The following GLIS3 variants were observed in gnomAD, a reference collection of about 807,000 sequenced individuals.
GLIS3 encodes the protein zinc finger protein GLIS3.
A neutral mutation model predicts 78.6 loss-of-function variants in GLIS3; 53 were observed. The ratio of observed to expected loss-of-function variants is 0.67; its 90% CI spans 0.54 to 0.85. The LOEUF (loss-of-function observed/expected upper bound fraction) is 0.85. GLIS3 is among the 40% of genes least tolerant of loss of function. The pLI, the probability that GLIS3 is intolerant of heterozygous loss-of-function variation, is 0.00. For synonymous variants in GLIS3, 684 were observed against 509.9 expected (o/e 1.34, Z -4.60); for missense variants, 1,703 against 1,231.1 (o/e 1.38, Z -5.74).
intron 2 of GLIS3, among the ~76,000 whole-genome samples, chr9:4,207,349 T>C (rs1196024473): frequency 2.6e-5 from 4 of 152,192 alleles, no homozygotes; most frequent in African/African-American, 4.8e-5. Flanking sequence ...ACTTAGGAAT[T>C]TCCATTCAGC....
chr9:4,291,233 G>A (rs781705079), intron 1 of GLIS3, among the ~76,000 whole-genome samples: 1 of 152,008 alleles, frequency 6.6e-6, no homozygotes, highest in Non-Finnish European at 1.5e-5. Context: ...CCAATAAGAC[G>A]AAATAAAAGA....
chr9:4,137,578 TC>T (rs1397327701), intron 2 of GLIS3, among the ~76,000 whole-genome samples: 1 of 83,246 alleles, frequency 1.2e-5, no homozygotes, highest in African/African-American at 5.8e-5. Flanking sequence ...CACTGGGCAC[TC>T]CCAGTAAGAT....
At chr9:4,024,908 G>A (rs548104066) in intron 4 of GLIS3, among the ~76,000 whole-genome samples, 11 of 152,162 alleles carry the variant, frequency 7.2e-5, no homozygotes, top group East Asian at 1.9e-4. Context: ...CATGCCTGTC[G>A]TGTTCATCAC....
intron 2 of GLIS3, among the ~76,000 whole-genome samples, chr9:4,273,234 C>G (rs1826677127): frequency 6.6e-6 from 1 of 152,166 alleles, no homozygotes; most frequent in South Asian, 2.1e-4. Context: ...GAGATCTATA[C>G]TACCTCACAC....
intron 4 of GLIS3, among the ~76,000 whole-genome samples, chr9:4,053,458 C>T (rs1825885678): frequency 6.6e-6 from 1 of 152,012 alleles, no homozygotes; most frequent in African/African-American, 2.4e-5. Flanking sequence ...CAGATTCCCC[C>T]AAATTATTTA....
intron 4 of GLIS3, among the ~76,000 whole-genome samples, chr9:3,947,856 A>T (rs905389898): frequency 6.6e-6 from 1 of 152,226 alleles, no homozygotes; most frequent in Non-Finnish European, 1.5e-5. Context: ...AGTGGCAGAG[A>T]TATTTTCCTG....
At chr9:4,215,042 G>A (rs556577869) in intron 2 of GLIS3, among the ~76,000 whole-genome samples, 2 of 152,280 alleles carry the variant, frequency 1.3e-5, no homozygotes, top group East Asian at 1.9e-4. Flanking sequence ...AAAAACGATG[G>A]CTCTACCCTT....
intron 6 of GLIS3, among the ~76,000 whole-genome samples, chr9:3,929,753 T>C (rs142173677): frequency 5.9e-5 from 9 of 152,350 alleles, no homozygotes; most frequent in African/African-American, 1.9e-4. Context: ...CTTTATCACC[T>C]TGGAATTTTT....
chr9:4,051,104 C>T (rs1825718608), intron 4 of GLIS3, among the ~76,000 whole-genome samples: 1 of 152,204 alleles, frequency 6.6e-6, no homozygotes, highest in African/African-American at 2.4e-5. Flanking sequence ...CTAAAATTCT[C>T]CTTGTTCTCC....
chr9:4,408,856 T>A, the GLIS3 span, among the ~76,000 whole-genome samples: 1 of 152,056 alleles, frequency 6.6e-6, no homozygotes, highest in Non-Finnish European at 1.5e-5. Context: ...TTGGATTGTT[T>A]GTAACATGGG....
the GLIS3 span, among the ~76,000 whole-genome samples, chr9:4,433,818 G>A: frequency 1.3e-5 from 2 of 152,120 alleles, no homozygotes; most frequent in African/African-American, 2.4e-5. Context: ...AGTGGTTGGC[G>A]GGGCGCCGCT....
intron 2 of GLIS3, among the ~76,000 whole-genome samples, chr9:4,281,377 A>G (rs761532199): frequency 9.1e-5 from 12 of 131,966 alleles, no homozygotes; most frequent in Non-Finnish European, 1.9e-4. Context: ...ACCATTACCC[A>G]TCTCCAAAAC....
At chr9:3,970,328 C>T (rs35118897) in intron 4 of GLIS3, among the ~76,000 whole-genome samples, 12,369 of 152,240 alleles carry the variant, frequency 0.081, 556 homozygotes, top group Middle Eastern at 0.14. Flanking sequence ...TGTAATATTA[C>T]AGTCCTTATA....
At chr9:3,971,892 G>A (rs778560267) in intron 4 of GLIS3, among the ~76,000 whole-genome samples, 15 of 152,136 alleles carry the variant, frequency 9.9e-5, no homozygotes, top group Non-Finnish European at 2.1e-4. Flanking sequence ...AATGGCACTG[G>A]AGGCAGTGCT....
At chr9:4,077,143 C>T (rs1277982835) in intron 4 of GLIS3, among the ~76,000 whole-genome samples, 1 of 152,106 alleles carries the variant, frequency 6.6e-6, no homozygotes, top group African/African-American at 2.4e-5. Flanking sequence ...AAAGCAATCC[C>T]CTATTATTGA....
the GLIS3 span, among the ~76,000 whole-genome samples, chr9:4,435,453 A>C: frequency 6.6e-6 from 1 of 152,198 alleles, no homozygotes; most frequent in Non-Finnish European, 1.5e-5. Context: ...TCAGCCTGCC[A>C]GACCAATTCC....
chr9:4,117,077 A>C lies in GLIS3; in HGVS notation c.1710+691T>G, dbSNP rs180931606. On this transcript the variant is annotated intron_variant, in intron 4 of 10. Coordinates refer to ENST00000381971, the MANE Select transcript of GLIS3 (RefSeq NM_001042413.2). ...AAAGGCAGAGGCGAGGAAGAAAGAG[A>C]CATCAGGCCCACTTCCCTCAGCACC... Among the ~76,000 whole-genome samples, 3 of 152,308 alleles carry C rather than the reference A, an allele frequency of 2.0e-5. No individual in the cohort carries two copies. The East Asian group carries it at 5.8e-4, about 29-fold the overall frequency.
chr9:4,486,263 C>G, the GLIS3 span, among the ~76,000 whole-genome samples: 1 of 152,100 alleles, frequency 6.6e-6, no homozygotes, highest in African/African-American at 2.4e-5. Flanking sequence ...GCCACCGTCT[C>G]CCACAAAGAA....
intron 4 of GLIS3, among the ~76,000 whole-genome samples, chr9:3,956,695 C>T (rs1166666063): frequency 6.6e-6 from 1 of 152,036 alleles, no homozygotes; most frequent in Non-Finnish European, 1.5e-5. Flanking sequence ...TTTTTTCCTC[C>T]TTTCATTACC....
Sources: allele counts gnomAD v4.1 joint callset (sites outside exome capture counted in the v4.1 genomes callset), GRCh38; gene constraint gnomAD v4.1.1; transcripts MANE v1.5; gene names NCBI Gene and HGNC (gene_info 2026-07-23, HGNC 2026-07-21).